The following CDH4 variants were observed in gnomAD, a reference collection of about 807,000 sequenced individuals.
CDH4 encodes the protein cadherin 4, also known as cadherin-4.
CDH4 carries 33 observed loss-of-function variants against 86.0 expected under a neutral mutation model. The observed-to-expected ratio is 0.38, with a 90% CI of 0.29 to 0.51. The LOEUF (loss-of-function observed/expected upper bound fraction) is 0.51. Among genes scored for constraint, CDH4 ranks in the 20% least tolerant of loss-of-function variants. The pLI, the probability that CDH4 is intolerant of heterozygous loss-of-function variation, is 0.86. For missense variants in CDH4, 1,114 were observed against 1,307.4 expected (o/e 0.85, Z 2.28); for synonymous variants, 555 against 549.4 (o/e 1.01, Z -0.14).
intron 2 of CDH4, among the ~76,000 whole-genome samples, chr20:61,447,450 A>G (rs1162162717): frequency 6.6e-6 from 1 of 151,478 alleles, no homozygotes; most frequent in African/African-American, 2.4e-5. Flanking sequence ...CTGAAATTAC[A>G]GGCATGAGCC....
At chr20:61,441,856 C>A (rs1016119904) in intron 2 of CDH4, among the ~76,000 whole-genome samples, 1 of 152,164 alleles carries the variant, frequency 6.6e-6, no homozygotes, top group Non-Finnish European at 1.5e-5. Context: ...ACCCTAACAA[C>A]AAGAAGAGCC....
intron 2 of CDH4, among the ~76,000 whole-genome samples, chr20:61,630,573 G>A (rs772899820): frequency 2.0e-5 from 3 of 152,202 alleles, no homozygotes; most frequent in Non-Finnish European, 4.4e-5. Flanking sequence ...CACTGCTCTT[G>A]CATGGGGCTT....
At chr20:61,578,716 A>G (rs2086403194) in intron 2 of CDH4, among the ~76,000 whole-genome samples, 1 of 152,206 alleles carries the variant, frequency 6.6e-6, no homozygotes, top group African/African-American at 2.4e-5. Context: ...GCTGTGAGTG[A>G]CACCAAACAA....
chr20:61,588,307 A>G (rs565346142), intron 2 of CDH4, among the ~76,000 whole-genome samples: 4 of 152,356 alleles, frequency 2.6e-5, no homozygotes, highest in African/African-American at 9.6e-5. Context: ...AGGAAGGCGT[A>G]GGTCTCGCAG....
chr20:61,307,228 A>G (rs2084422058), intron 2 of CDH4, among the ~76,000 whole-genome samples: 1 of 152,184 alleles, frequency 6.6e-6, no homozygotes, highest in Admixed American at 6.5e-5. Flanking sequence ...CAGCACCTAC[A>G]TGCTCCAACA....
Position 61,599,884 on chromosome 20 carries a change from C to T in CDH4, c.170-143679C>T, listed in dbSNP as rs2086585278. 3 of 985,418 alleles carry T rather than the reference C, an allele frequency of 3.0e-6. No homozygotes were observed. In the South Asian group the frequency reaches 1.4e-4, roughly 46 times the overall value. The allele number at this position is 985,418 out of a possible 1,614,324, so 61.0% of individuals were successfully genotyped here. A position where few individuals can be genotyped will look rare whatever the true frequency, so the allele number is the denominator to read the frequency against. On this transcript the variant is annotated intron_variant, in intron 2 of 15. Coordinates refer to ENST00000614565, the MANE Select transcript of CDH4 (RefSeq NM_001794.5). ...CACAACACAGGAGCAATCTTCTCAG[C>T]CGTGCACTCACAGCTTGGAAAATAA...
At chr20:61,844,197 C>T (rs1346859860) in intron 4 of CDH4, among the ~76,000 whole-genome samples, 2 of 152,110 alleles carry the variant, frequency 1.3e-5, no homozygotes, top group Non-Finnish European at 2.9e-5. Flanking sequence ...CCTTTTCTAG[C>T]TTACTTTGGA....
intron 2 of CDH4, among the ~76,000 whole-genome samples, chr20:61,327,194 A>G (rs927774684): frequency 5.3e-5 from 8 of 152,272 alleles, no homozygotes; most frequent in Non-Finnish European, 1.2e-4. Context: ...AAGCCATAAA[A>G]GAAAAGGCAG....
At chr20:61,883,088 T>TC (rs1984363798) in intron 7 of CDH4, among the ~76,000 whole-genome samples, 1 of 150,936 alleles carries the variant, frequency 6.6e-6, no homozygotes, top group Admixed American at 6.6e-5. Context: ...CCGGCCCCAT[T>TC]CCCCCGGCAC....
intron 2 of CDH4, among the ~76,000 whole-genome samples, chr20:61,498,172 G>A (rs930853504): frequency 2.0e-5 from 3 of 151,806 alleles, no homozygotes; most frequent in South Asian, 2.1e-4. Flanking sequence ...TAACCTGCAC[G>A]TTGTGCTCAT....
intron 6 of CDH4, among the ~76,000 whole-genome samples, chr20:61,860,598 A>G (rs1361802478): frequency 6.6e-6 from 1 of 152,184 alleles, no homozygotes; most frequent in Non-Finnish European, 1.5e-5. Context: ...AAGCAGAAAC[A>G]GCACCTCAGA....
intron 4 of CDH4, among the ~76,000 whole-genome samples, chr20:61,784,808 C>T (rs1978784516): frequency 6.6e-6 from 1 of 152,212 alleles, no homozygotes; most frequent in Non-Finnish European, 1.5e-5. Flanking sequence ...TCCTGTGCCC[C>T]CGGGGCCTCA....
At chr20:61,497,697 C>A (rs2085672184) in intron 2 of CDH4, among the ~76,000 whole-genome samples, 1 of 152,096 alleles carries the variant, frequency 6.6e-6, no homozygotes, top group African/African-American at 2.4e-5. Context: ...CCCAGCCATC[C>A]TATTACTGGG....
chr20:61,358,159 C>T (rs114139378), intron 2 of CDH4, among the ~76,000 whole-genome samples: 1 of 152,134 alleles, frequency 6.6e-6, no homozygotes, highest in African/African-American at 2.4e-5. Flanking sequence ...TGAGCAAACC[C>T]CCGGGACGTG....
At chr20:61,850,181 C>T (rs775180693) in intron 5 of CDH4, among the ~76,000 whole-genome samples, 4 of 152,246 alleles carry the variant, frequency 2.6e-5, no homozygotes, top group South Asian at 2.1e-4. Flanking sequence ...CCCAGCCACA[C>T]GCTGTCATCT....
At chr20:61,888,751 C>T (rs149389162) in intron 7 of CDH4, among the ~76,000 whole-genome samples, 1 of 152,200 alleles carries the variant, frequency 6.6e-6, no homozygotes, top group East Asian at 1.9e-4. Flanking sequence ...TTGGTGCTGC[C>T]TGAGTCCCAT....
intron 2 of CDH4, among the ~76,000 whole-genome samples, chr20:61,321,937 A>G (rs1208895496): frequency 6.6e-6 from 1 of 151,162 alleles, no homozygotes; most frequent in Non-Finnish European, 1.5e-5. Context: ...TATTATAATA[A>G]TAAATATTAT....
intron 4 of CDH4, among the ~76,000 whole-genome samples, chr20:61,840,175 C>A (rs1334788155): frequency 6.6e-6 from 1 of 152,194 alleles, no homozygotes; most frequent in East Asian, 1.9e-4. Flanking sequence ...CGTCTGCGGG[C>A]TGACTGAGAG....
At chr20:61,934,893 C>G (rs2055161778) in intron 15 of CDH4, among the ~76,000 whole-genome samples, 1 of 152,254 alleles carries the variant, frequency 6.6e-6, no homozygotes, top group Non-Finnish European at 1.5e-5. Flanking sequence ...CCATCTTCCC[C>G]TTTGCAAGAA....
Sources: gnomAD v4.1 joint callset for allele counts (sites outside exome capture counted in the v4.1 genomes callset) on GRCh38, gnomAD v4.1.1 for gene constraint, MANE v1.5 for transcripts, NCBI Gene and HGNC (gene_info 2026-07-23, HGNC 2026-07-21) for gene names.